FAM53B: variants seen among roughly 807,000 people sequenced by gnomAD.
FAM53B encodes protein FAM53B.
In FAM53B, 12 loss-of-function variants were observed where a neutral mutation model predicts 32.7. That is an observed-to-expected ratio of 0.37 (90% CI 0.24 to 0.59). FAM53B has a LOEUF of 0.59. Among genes scored for constraint, FAM53B ranks in the 20% least tolerant of loss-of-function variants. The probability of loss-of-function intolerance (pLI) is 0.72; values close to 1 mark genes in which losing one functional copy is unlikely to be tolerated. For missense variants in FAM53B, 477 were observed against 577.7 expected (o/e 0.83, Z 1.79); for synonymous variants, 234 against 228.7 (o/e 1.02, Z -0.21).
rs149522070 is a variant in FAM53B, at chr10:124,639,093, T to C, written c.907-15489A>G. On this transcript the variant is annotated intron_variant, in intron 4 of 4. Transcript: ENST00000337318. The stretch of plus-strand genomic sequence containing the variant: ...CACCAGGGACCCTTCCTGGGGTGGC[T>C]CAGCCTCTTGCCCATATAAGTCCCG... Among the ~76,000 whole-genome samples, 217 of 152,284 alleles carry C rather than the reference T, an allele frequency of 1.4e-3. 1 individual carries two copies. Among genetic ancestry groups the C allele is most frequent in the Non-Finnish European group, 2.8e-3 (189 of 67,998 alleles).
At position 124,636,301 on chromosome 10, in the gene FAM53B, A is replaced by C. The variant is rs183802657; in HGVS notation, c.907-12697T>G. ...ACAAAGCGTATGAATTTTTTTTTTT[A>C]ACGGCACTTTGCAAAATCTGTGGAC... is the stretch of plus-strand genomic sequence containing the variant. On this transcript the variant is annotated intron_variant, in intron 4 of 4. Coordinates refer to ENST00000337318, the MANE Select transcript of FAM53B (RefSeq NM_014661.4). Among the ~76,000 whole-genome samples, 66 of 151,322 alleles carry C rather than the reference A, an allele frequency of 4.4e-4. 1 individual carries two copies. The highest frequency in any genetic ancestry group is 2.7e-4 in the Non-Finnish European group (18 of 67,780).
intron 1 of FAM53B, among the ~76,000 whole-genome samples, chr10:124,739,057 C>CA (rs1396252011): frequency 1.3e-4 from 19 of 144,144 alleles, no homozygotes; most frequent in South Asian, 7.0e-4. Flanking sequence ...AAAAAAAAAA[C>CA]AAAAAACAAA....
chr10:124,711,722 G>A (rs1419026239), intron 1 of FAM53B, among the ~76,000 whole-genome samples: 4 of 152,084 alleles, frequency 2.6e-5, no homozygotes, highest in Admixed American at 6.6e-5. Flanking sequence ...CCTGGCCTTC[G>A]CCATGAAATC....
At chr10:124,652,428 G>A (rs1026684613) in intron 4 of FAM53B, among the ~76,000 whole-genome samples, 6 of 152,148 alleles carry the variant, frequency 3.9e-5, no homozygotes, top group Admixed American at 2.0e-4. Flanking sequence ...AGGAGGCTGT[G>A]GCCACAGCCT....
chr10:124,722,599 T>C (rs1324332016), intron 1 of FAM53B, among the ~76,000 whole-genome samples: 2 of 152,236 alleles, frequency 1.3e-5, no homozygotes, highest in Admixed American at 6.5e-5. Context: ...AATGGCTTTT[T>C]GTATGTTTTC....
intron 4 of FAM53B, among the ~76,000 whole-genome samples, chr10:124,672,280 G>A (rs1949711480): frequency 6.6e-6 from 1 of 152,258 alleles, no homozygotes; most frequent in Non-Finnish European, 1.5e-5. Context: ...GCACCTATTT[G>A]TGCTTCCTGC....
intron 2 of FAM53B, among the ~76,000 whole-genome samples, chr10:124,698,587 T>G (rs1001812413): frequency 6.6e-6 from 1 of 152,122 alleles, no homozygotes; most frequent in African/African-American, 2.4e-5. Flanking sequence ...CTCAACTTGC[T>G]CATTCATTCA....
intron 4 of FAM53B, among the ~76,000 whole-genome samples, chr10:124,640,899 C>T (rs897662922): frequency 6.6e-6 from 1 of 152,184 alleles, no homozygotes; most frequent in Non-Finnish European, 1.5e-5. Context: ...CGGCAAAGGC[C>T]GCAGAGGGCA....
Position 124,696,182 on chromosome 10 carries a change from T to C in FAM53B, c.109A>G (p.Thr37Ala). The C allele has an allele frequency of 1.9e-6, 3 of 1,614,124 alleles. No individual in the cohort carries two copies. Among genetic ancestry groups the C allele is most frequent in the Non-Finnish European group, 2.5e-6 (3 of 1,179,968 alleles). The change falls in exon 3 of 5, where the codon ACA becomes GCA. Residue 37 changes from threonine (T) to alanine (A), a missense_variant. Physicochemically the swap from Thr to Ala is moderately conservative, Grantham distance 58. Around this residue, in one of 2 missense-constraint regions of FAM53B, gnomAD observed 312 missense variants for 420.2 expected, o/e 0.74. Transcript: ENST00000337318. The part of the protein sequence containing the change: ...HTPKKMSQGP[T>A]LFSCGIMEND... ...CCCATAATTCCACAAGAGAAAAGTG[T>C]AGGTCCTTGACTCATCTTCTTTGGC...
chr10:124,718,087 C>T (rs185459054), intron 1 of FAM53B, among the ~76,000 whole-genome samples: 26 of 151,940 alleles, frequency 1.7e-4, no homozygotes, highest in South Asian at 4.2e-4. Context: ...AACACAGCTG[C>T]GAGGGCAGTG....
chr10:124,643,455 A>G (rs1295631006), intron 4 of FAM53B, among the ~76,000 whole-genome samples: 4 of 152,218 alleles, frequency 2.6e-5, no homozygotes, highest in Non-Finnish European at 4.4e-5. Context: ...GCAGGAATCT[A>G]TACAGGTCCA....
intron 4 of FAM53B, among the ~76,000 whole-genome samples, chr10:124,661,555 C>G (rs981481971): frequency 1.3e-5 from 2 of 152,246 alleles, no homozygotes; most frequent in African/African-American, 2.4e-5. Context: ...CTGAGACAAT[C>G]TTACAGCCAC....
chr10:124,655,974 A>G (rs548016964), intron 4 of FAM53B, among the ~76,000 whole-genome samples: 1 of 152,382 alleles, frequency 6.6e-6, no homozygotes, highest in East Asian at 1.9e-4. Flanking sequence ...CGTACCAAAC[A>G]GAACTAGCCC....
At chr10:124,726,751 G>A (rs1427752546) in intron 1 of FAM53B, among the ~76,000 whole-genome samples, 1 of 152,202 alleles carries the variant, frequency 6.6e-6, no homozygotes, top group African/African-American at 2.4e-5. Context: ...GAAATACGAA[G>A]AGAACACCTC....
chr10:124,720,370 G>T (rs1950062042), intron 1 of FAM53B, among the ~76,000 whole-genome samples: 1 of 152,188 alleles, frequency 6.6e-6, no homozygotes, highest in Non-Finnish European at 1.5e-5. Flanking sequence ...GGAGGCGGAA[G>T]CAAGAGAATC....
intron 1 of FAM53B, among the ~76,000 whole-genome samples, chr10:124,735,397 A>C (rs1950167502): frequency 6.6e-6 from 1 of 152,220 alleles, no homozygotes; most frequent in Admixed American, 6.5e-5. Context: ...TAGAGAGAAA[A>C]CTTAGATTTC....
rs538900825 is a variant in FAM53B at position 124,709,918 on chromosome 10, G to A, written c.-174-3031C>T. Among the ~76,000 whole-genome samples, 27 of 152,112 alleles carry A rather than the reference G, an allele frequency of 1.8e-4. 2 individuals are homozygous for A. The South Asian group carries it at 5.0e-3, about 28-fold the overall frequency. On this transcript the variant is annotated intron_variant, in intron 1 of 4. Coordinates refer to ENST00000337318, the MANE Select transcript of FAM53B (RefSeq NM_014661.4). ...GCCTGGAGAAGGGAATGACAGTTCC[G>A]GAGAGGAACCACGTCCAACCCTATG...
intron 1 of FAM53B, among the ~76,000 whole-genome samples, chr10:124,723,238 A>T (rs968756433): frequency 6.6e-6 from 1 of 152,228 alleles, no homozygotes; most frequent in Non-Finnish European, 1.5e-5. Context: ...TGGCACAAAG[A>T]GCTGCTCAGG....
intron 4 of FAM53B, among the ~76,000 whole-genome samples, chr10:124,631,839 G>A (rs990124872): frequency 3.3e-5 from 5 of 152,038 alleles, no homozygotes; most frequent in Non-Finnish European, 7.4e-5. Context: ...ACCAAAACCC[G>A]CCTCTGCAGC....
Sources: gnomAD v4.1 joint callset for allele counts (sites outside exome capture counted in the v4.1 genomes callset) on GRCh38, gnomAD v4.1.1 for gene constraint, gnomAD v4.1.1 regional missense constraint, MANE v1.5 for transcripts, NCBI Gene and HGNC (gene_info 2026-07-23, HGNC 2026-07-21) for gene names.